PAOX: variants seen among roughly 807,000 people sequenced by gnomAD.
PAOX encodes the protein peroxisomal N(1)-acetyl-spermine/spermidine oxidase.
In PAOX, 38 loss-of-function variants were observed where a neutral mutation model predicts 39.0. The observed-to-expected ratio is 0.97, with a 90% CI of 0.75 to 1.28. PAOX has a LOEUF of 1.28. Ranked by LOEUF, PAOX falls within the 50% of genes most tolerant of loss-of-function variation. The pLI is 0.00. For synonymous variants in PAOX, 311 were observed against 314.4 expected (o/e 0.99, Z 0.11); for missense variants, 667 against 685.7 (o/e 0.97, Z 0.30).
chr10:133,391,618 T>C lies in PAOX; in HGVS notation c.*163T>C. 4 of 1,160,748 alleles carry C rather than the reference T, an allele frequency of 3.4e-6. No individual in the cohort carries two copies. The highest frequency in any genetic ancestry group is 4.7e-6 in the Non-Finnish European group (4 of 842,960). The allele number at this position is 1,160,748 out of a possible 1,614,324, so 71.9% of individuals were successfully genotyped here. A position where few individuals can be genotyped will look rare whatever the true frequency, so the allele number is the denominator to read the frequency against. On this transcript the variant is annotated 3_prime_UTR_variant, in exon 7 of 7. Coordinates refer to ENST00000278060, the MANE Select transcript of PAOX (RefSeq NM_152911.4). The stretch of plus-strand genomic sequence containing the variant: ...TCAGTTCTTGTGTCTGTTATTGGAG[T>C]CTGGCCAGGGTTGACTTGAGCTGAG...
At position 133,381,581 on chromosome 10, in the gene PAOX, G is replaced by C; in HGVS notation, c.790G>C (p.Glu264Gln). Residue 264 changes from glutamate (E) to glutamine (Q), a missense_variant, in exon 3 of 7, where the codon GAG (glutamate) becomes CAG (glutamine). Physicochemically the swap from Glu to Gln is conservative, Grantham distance 29. Transcript: ENST00000278060. ...CTTCCAGGAGGCAGCCTTTCCCGGGGAGACCTTTCCAGTGTCGGTAGAGTG... is the reference window on the plus strand; with the variant it reads ...CTTCCAGGAGGCAGCCTTTCCCGGGCAGACCTTTCCAGTGTCGGTAGAGTG... ...GSFQEAAFPG[E>Q]TFPVSVECED... 1 of 1,613,810 alleles carries C rather than the reference G, an allele frequency of 6.2e-7. No individual in the cohort carries two copies. Among genetic ancestry groups the C allele is most frequent in the Non-Finnish European group, 8.5e-7 (1 of 1,180,030 alleles).
chr10:133,388,457 G>A (rs1291293867), intron 4 of PAOX, among the ~76,000 whole-genome samples: 3 of 152,210 alleles, frequency 2.0e-5, no homozygotes, highest in Non-Finnish European at 1.5e-5. Flanking sequence ...ACATGATCTC[G>A]TTCTTTGACG....
chr10:133,387,057 TG>T (rs1356835212), intron 4 of PAOX, among the ~76,000 whole-genome samples: 2 of 152,204 alleles, frequency 1.3e-5, no homozygotes, highest in Admixed American at 1.3e-4. Flanking sequence ...GGTGTGCAGA[TG>T]GCTTGAACTC....
At position 133,384,237 on chromosome 10, in the gene PAOX, T is replaced by A. The variant is rs778645332; in HGVS notation, c.1121+25T>A. On this transcript the variant is annotated intron_variant, in intron 4 of 6. Coordinates refer to ENST00000278060, the MANE Select transcript of PAOX (RefSeq NM_152911.4). The surrounding 1 kb of genome is among the most constrained non-coding windows in gnomAD (Gnocchi z 4.3). ...CGTACGTTTGCTCCCTGAGAAGTTC[T>A]GCGAGTGGCTGGCTCATAGGCCTTC... 4.4e-6 allele frequency: 7 copies of A among 1,607,798 alleles called. No individual in the cohort carries two copies. The East Asian group carries it at 1.6e-4, about 36-fold the overall frequency.
intron 1 of PAOX, 43 bp from the exon 2 acceptor site, chr10:133,379,956 C>T (rs761917124): frequency 6.7e-7 from 1 of 1,503,558 alleles, no homozygotes; most frequent in Non-Finnish European, 8.8e-7. Context: ...GGTGACCCTT[C>T]TAGGAAAGGG....
chr10:133,389,422 T>C (rs1015567562), intron 5 of PAOX, among the ~76,000 whole-genome samples, 168 bp from the exon 6 acceptor site: 15 of 152,136 alleles, frequency 9.9e-5, no homozygotes, highest in African/African-American at 3.4e-4. Flanking sequence ...CCCACTGCTC[T>C]CGGGTCAGAG....
At chr10:133,389,383 C>T (rs1849607723) in intron 5 of PAOX, among the ~76,000 whole-genome samples, 2 of 152,228 alleles carry the variant, frequency 1.3e-5, no homozygotes, top group South Asian at 4.1e-4. Context: ...CGGCCCGCTG[C>T]TGTCGGGTCA....
intron 4 of PAOX, among the ~76,000 whole-genome samples, chr10:133,385,352 G>C (rs1431909926): frequency 6.6e-6 from 1 of 152,028 alleles, no homozygotes; most frequent in Non-Finnish European, 1.5e-5. Context: ...CTGGGTTGCT[G>C]GTGGGCAGCC....
rs973483657 is a variant in PAOX, at chr10:133,379,439, G to C, written c.123G>C (p.Leu41=). The C allele has an allele frequency of 8.2e-7, 1 of 1,224,852 alleles. No homozygotes were observed. The highest frequency in any genetic ancestry group is 1.6e-5 in the African/African-American group (1 of 63,850). The allele number at this position is 1,224,852 out of a possible 1,614,324, so 75.9% of individuals were successfully genotyped here. A position where few individuals can be genotyped will look rare whatever the true frequency, so the allele number is the denominator to read the frequency against. ...RLCGHSAFPH[L]RVLEATARAG... is the part of the protein sequence containing the mutation. The stretch of plus-strand genomic sequence containing the variant: ...GCGGCCACTCCGCCTTCCCGCACCT[G>C]CGGGTCCTGGAGGCCACGGCCCGCG... The change falls in exon 1 of 7, where the codon CTG becomes CTC. Residue 41 remains leucine, a synonymous_variant. Transcript: ENST00000278060.
At position 133,380,209 on chromosome 10, in the gene PAOX, C is replaced by G; in HGVS notation, c.392C>G (p.Ala131Gly). The G allele has an allele frequency of 6.2e-7, 1 of 1,612,670 alleles. No individual in the cohort carries two copies. The highest frequency in any genetic ancestry group is 8.5e-7 in the Non-Finnish European group (1 of 1,179,866). The change falls in exon 2 of 7, where the codon GCG (alanine) becomes GGG (glycine). Residue 131 changes from alanine (A) to glycine (G), a missense_variant. Coordinates refer to ENST00000278060, the MANE Select transcript of PAOX (RefSeq NM_152911.4). ...AGCCTCCAGCTGGTGGCGGAGATGG[C>G]GACTCTGTTCTACGGCCTGATAGAC... is the stretch of plus-strand genomic sequence containing the variant. ...SVSLQLVAEM[A>G]TLFYGLIDQT...
Position 133,391,278 on chromosome 10 carries a change from G to C in PAOX, c.1393-34G>C, listed in dbSNP as rs7923637. 90 of 1,597,582 alleles carry C rather than the reference G, an allele frequency of 5.6e-5. No homozygotes were observed. In the African/African-American group the frequency reaches 1.1e-3, roughly 19 times the overall value. On this transcript the variant is annotated intron_variant, in intron 6 of 6. Coordinates refer to ENST00000278060, the MANE Select transcript of PAOX (RefSeq NM_152911.4). ...TTGCCCAGACCCTGCTGTCTGAATT[G>C]CATCCCCATTCTAACCCTGGCTCTT... is the stretch of plus-strand genomic sequence containing the variant.
Position 133,379,448 on chromosome 10 carries a change from GGAGGCCACGGCCCGCGCCGGGGGCC to G in PAOX, c.134_158del (p.Glu45AlafsTer61). On this transcript the variant is annotated frameshift_variant, in exon 1 of 7. Transcript: ENST00000278060. LOFTEE classifies it high-confidence loss of function. Reference sequence around the variant, plus strand: ...CCGCCTTCCCGCACCTGCGGGTCCTGGAGGCCACGGCCCGCGCCGGGGGCCGCATCCGCTCGGAGCGCTGCTTCGG... The same window carrying G: ...CCGCCTTCCCGCACCTGCGGGTCCTGGCATCCGCTCGGAGCGCTGCTTCGG... 8.2e-7 allele frequency: 1 copy of G among 1,225,270 alleles called. No individual in the cohort carries two copies. Among genetic ancestry groups the G allele is most frequent in the Non-Finnish European group, 1.0e-6 (1 of 983,982 alleles). 75.9% of individuals were successfully genotyped at this position (1,225,270 alleles called of 1,614,324 possible). A position where few individuals can be genotyped will look rare whatever the true frequency, so the allele number is the denominator to read the frequency against.
At chr10:133,382,030 GT>G (rs1849401079) in intron 3 of PAOX, among the ~76,000 whole-genome samples, 1 of 152,144 alleles carries the variant, frequency 6.6e-6, no homozygotes, top group Admixed American at 6.5e-5. Flanking sequence ...GTATAATTCT[GT>G]TTAATTCTAG....
In PAOX at chr10:133,380,086, TGGG is replaced by T; in HGVS notation, c.272_274del (p.Gly91del). On this transcript the variant is annotated inframe_deletion, in exon 2 of 7. Transcript: ENST00000278060. The stretch of plus-strand genomic sequence containing the variant: ...CAGCTGGCTGCTGAGTACGGGCTGC[TGGG>T]GGAGAAGGAGCTGTCCCAGGAGAAC... 1.3e-6 allele frequency: 2 copies of T among 1,550,904 alleles called. No individual in the cohort carries two copies. Among genetic ancestry groups the T allele is most frequent in the Non-Finnish European group, 1.7e-6 (2 of 1,149,442 alleles).
chr10:133,380,589 C>G lies in PAOX; in HGVS notation c.668+104C>G, dbSNP rs1849339275. On this transcript the variant is annotated intron_variant, in intron 2 of 6. Transcript: ENST00000278060. ...GCTTGGGTATGGGAGGGACAGGAGA[C>G]CATTTGTCCTCCCCATTCCGACAGA... The G allele has an allele frequency of 3.6e-6, 5 of 1,390,776 alleles. No homozygotes were observed. In the African/African-American group the frequency reaches 7.2e-5, roughly 20 times the overall value. The allele number at this position is 1,390,776 out of a possible 1,614,324, so 86.2% of individuals were successfully genotyped here. A position where few individuals can be genotyped will look rare whatever the true frequency, so the allele number is the denominator to read the frequency against.
chr10:133,384,020 A>G lies in PAOX; in HGVS notation c.929A>G (p.Glu310Gly). 6.2e-7 allele frequency: 1 copy of G among 1,614,214 alleles called. No individual in the cohort carries two copies. Among genetic ancestry groups the G allele is most frequent in the Non-Finnish European group, 8.5e-7 (1 of 1,180,020 alleles). Residue 310 changes from glutamate (E) to glycine (G), a missense_variant, in exon 4 of 7, where the codon GAA (glutamate) becomes GGA (glycine). Glu to Gly is a moderately conservative substitution (Grantham distance 98). Coordinates refer to ENST00000278060, the MANE Select transcript of PAOX (RefSeq NM_152911.4). This position sits in a 1 kb window ranked among gnomAD's most constrained non-coding sequence, Gnocchi z 4.3. ...CCTCCCCTGCCGGCTGAGAAGGCAG[A>G]AGCAATCAGGAAGATAGGCTTTGGG... ...FDPPLPAEKA[E>G]AIRKIGFGTN...
At chr10:133,383,340 C>T (rs577613826) in intron 3 of PAOX, among the ~76,000 whole-genome samples, 2 of 152,234 alleles carry the variant, frequency 1.3e-5, no homozygotes, top group African/African-American at 4.8e-5. Flanking sequence ...CGGTGGCTCA[C>T]GCCTGTAATC....
intron 3 of PAOX, 52 bp from the exon 4 acceptor site, chr10:133,383,908 C>G: frequency 6.4e-7 from 1 of 1,564,018 alleles, no homozygotes; most frequent in Non-Finnish European, 8.7e-7. Context: ...ACAGACAGGA[C>G]TTCCGTGGAG....
intron 3 of PAOX, among the ~76,000 whole-genome samples, chr10:133,381,953 A>G (rs1849398068): frequency 6.6e-6 from 1 of 150,726 alleles, no homozygotes; most frequent in South Asian, 2.1e-4. Flanking sequence ...TTTGCTGCAG[A>G]CAGGAAAAGG....
Sources: gnomAD v4.1 joint callset for allele counts (sites outside exome capture counted in the v4.1 genomes callset) on GRCh38, gnomAD v4.1.1 for gene constraint, Gnocchi (gnomAD v3.1) non-coding constraint, MANE v1.5 for transcripts, NCBI Gene and HGNC (gene_info 2026-07-23, HGNC 2026-07-21) for gene names.